DNAH9: variants seen among roughly 807,000 people sequenced by gnomAD.
The protein encoded by DNAH9 is dynein axonemal heavy chain 9, also known as DNAH9 variant protein.
DNAH9 carries 345 observed loss-of-function variants against 471.6 expected under a neutral mutation model. The ratio of observed to expected loss-of-function variants is 0.73; its 90% CI spans 0.67 to 0.80. DNAH9 has a LOEUF of 0.80. Among genes scored for constraint, DNAH9 ranks in the 30% least tolerant of loss-of-function variants. The pLI, the probability that DNAH9 is intolerant of heterozygous loss-of-function variation, is 0.00. For synonymous variants in DNAH9, 2,093 were observed against 2,123.6 expected (o/e 0.99, Z 0.40); for missense variants, 5,407 against 5,609.2 (o/e 0.96, Z 1.15).
At chr17:11,793,726 A>G in intron 42 of DNAH9, 62 bp downstream of exon 42, 1 of 1,228,672 alleles carries the variant, frequency 8.1e-7, no homozygotes, top group African/African-American at 3.0e-5. Flanking sequence ...TATACAGATG[A>G]TCACCCAATG....
intron 36 of DNAH9, 129 bp from the exon 37 acceptor site, chr17:11,768,324 C>G (rs926564705): frequency 5.2e-6 from 5 of 955,594 alleles, no homozygotes; most frequent in Non-Finnish European, 8.0e-6. Flanking sequence ...AGGAGCTGGT[C>G]TAGCCGGCAG....
chr17:11,793,796 C>A (rs1969145642), intron 42 of DNAH9, 132 bp downstream of exon 42: 4 of 768,398 alleles, frequency 5.2e-6, no homozygotes, highest in African/African-American at 3.5e-5. Flanking sequence ...GAAATTCTGT[C>A]ATAATTTTGC....
chr17:11,824,470 A>C (rs1379544690), intron 48 of DNAH9, among the ~76,000 whole-genome samples: 4 of 152,164 alleles, frequency 2.6e-5, no homozygotes, highest in Non-Finnish European at 5.9e-5. Flanking sequence ...TTCACTCGTC[A>C]GATCTGGTCT....
intron 39 of DNAH9, among the ~76,000 whole-genome samples, chr17:11,781,796 C>T (rs917909542): frequency 3.4e-5 from 5 of 148,826 alleles, no homozygotes; most frequent in African/African-American, 1.3e-4. Context: ...CATACCACTG[C>T]ACTCCAGCCT....
At chr17:11,809,041 GAA>G (rs912685748) in intron 44 of DNAH9, among the ~76,000 whole-genome samples, 2 of 152,204 alleles carry the variant, frequency 1.3e-5, no homozygotes, top group African/African-American at 4.8e-5. Flanking sequence ...GAGAGAGAGA[GAA>G]AGGCAACATC....
At chr17:11,941,082 G>C (rs929128911) in intron 66 of DNAH9, among the ~76,000 whole-genome samples, 2 of 152,162 alleles carry the variant, frequency 1.3e-5, no homozygotes, top group East Asian at 3.9e-4. Context: ...TTCCAGGCTT[G>C]AGATTCAAAT....
In DNAH9 at chr17:11,693,937, A is replaced by G; in HGVS notation, c.4684A>G (p.Asn1562Asp). 1.2e-6 allele frequency: 2 copies of G among 1,614,166 alleles called. No homozygotes were observed. Among genetic ancestry groups the G allele is most frequent in the Non-Finnish European group, 1.7e-6 (2 of 1,180,022 alleles). Residue 1562 changes from asparagine to aspartate, a missense_variant, in exon 21 of 69, where the codon AAT becomes GAT. Transcript: ENST00000262442. Reference sequence around the variant, plus strand: ...AGCTTATGATGCCCAGAAAATTCCAAATGTAGTGCAAACCACCAACAAGCC... The same window carrying G: ...AGCTTATGATGCCCAGAAAATTCCAGATGTAGTGCAAACCACCAACAAGCC... ...ELAYDAQKIP[N>D]VVQTTNKPGL...
At chr17:11,705,345 T>G in intron 26 of DNAH9, 160 bp downstream of exon 26, 10 of 621,268 alleles carry the variant, frequency 1.6e-5, no homozygotes, top group Non-Finnish European at 2.8e-6. Flanking sequence ...ACTGAAAGGA[T>G]GTAGGGCAGA....
chr17:11,761,160 A>C (rs1730895837), intron 35 of DNAH9, among the ~76,000 whole-genome samples: 1 of 151,748 alleles, frequency 6.6e-6, no homozygotes, highest in Admixed American at 6.6e-5. Flanking sequence ...TTTCTGTAAT[A>C]AAAAGGCATC....
rs910063303 is a variant in DNAH9 at position 11,892,350 on chromosome 17, C to T, written c.11283+403C>T. Among the ~76,000 whole-genome samples, 2 of 152,100 alleles carry T rather than the reference C, an allele frequency of 1.3e-5. No homozygotes were observed. Among genetic ancestry groups the T allele is most frequent in the Non-Finnish European group, 2.9e-5 (2 of 68,032 alleles). ...TCATTGTTTATTTACCTTTAGACTG[C>T]AAGTTTACTGATGCAGCCATCCCCC... On this transcript the variant is annotated intron_variant, in intron 58 of 68. Coordinates refer to ENST00000262442, the MANE Select transcript of DNAH9 (RefSeq NM_001372.4). This position sits in a 1 kb window ranked among gnomAD's most constrained non-coding sequence, Gnocchi z 4.3.
At chr17:11,750,450 G>C (rs1811184757) in intron 32 of DNAH9, among the ~76,000 whole-genome samples, 1 of 152,040 alleles carries the variant, frequency 6.6e-6, no homozygotes, top group African/African-American at 2.4e-5. Context: ...CAAAGTTATA[G>C]AACTTTTTAT....
chr17:11,859,719 C>G (rs534183716), intron 50 of DNAH9, among the ~76,000 whole-genome samples: 2 of 152,030 alleles, frequency 1.3e-5, no homozygotes, highest in African/African-American at 4.8e-5. Flanking sequence ...TTGGCAAGAG[C>G]GGGAGCAAGA....
intron 66 of DNAH9, 55 bp from the exon 67 acceptor site, chr17:11,942,247 AT>A: frequency 3.2e-6 from 5 of 1,575,558 alleles, no homozygotes; most frequent in Non-Finnish European, 4.3e-6. Flanking sequence ...AGGAAAATGG[AT>A]TCCTTCTGGA....
chr17:11,617,334 C>A, intron 4 of DNAH9, 77 bp from the exon 5 acceptor site: 1 of 1,003,170 alleles, frequency 1.0e-6, no homozygotes, highest in Non-Finnish European at 1.5e-6. Context: ...AGGTCTTTTA[C>A]TTCCCAGGGA....
At chr17:11,817,328 G>A (rs1245330531) in intron 45 of DNAH9, among the ~76,000 whole-genome samples, 1 of 152,168 alleles carries the variant, frequency 6.6e-6, no homozygotes, top group Non-Finnish European at 1.5e-5. Flanking sequence ...CTTCTTAAAG[G>A]TTCTAGGGAT....
At chr17:11,701,706 T>C (rs1369819261) in intron 24 of DNAH9, among the ~76,000 whole-genome samples, 1 of 152,072 alleles carries the variant, frequency 6.6e-6, no homozygotes, top group Non-Finnish European at 1.5e-5. Flanking sequence ...TAAGACGGGG[T>C]GTTGCTCTGT....
intron 22 of DNAH9, among the ~76,000 whole-genome samples, chr17:11,695,735 C>G (rs1452505705): frequency 6.6e-6 from 1 of 152,196 alleles, no homozygotes; most frequent in African/African-American, 2.4e-5. Context: ...GTTTCTGATT[C>G]ACTACGTCTG....
At chr17:11,826,884 G>A (rs1294714341) in intron 48 of DNAH9, among the ~76,000 whole-genome samples, 2 of 145,420 alleles carry the variant, frequency 1.4e-5, no homozygotes, top group East Asian at 4.1e-4. Context: ...GAGTACAGTG[G>A]TGCAATCTTG....
intron 4 of DNAH9, among the ~76,000 whole-genome samples, chr17:11,617,088 A>G (rs2072761795): frequency 6.6e-6 from 1 of 152,174 alleles, no homozygotes; most frequent in South Asian, 2.1e-4. Context: ...AGTCTTTCTG[A>G]TTCTAAAACT....
Sources: allele counts gnomAD v4.1 joint callset (sites outside exome capture counted in the v4.1 genomes callset), GRCh38; gene constraint gnomAD v4.1.1; non-coding constraint Gnocchi (gnomAD v3.1); transcripts MANE v1.5; gene names NCBI Gene and HGNC (gene_info 2026-07-23, HGNC 2026-07-21).